Variants in DOCK2 observed in about 807,000 individuals in gnomAD.
The protein encoded by DOCK2 is dedicator of cytokinesis protein 2.
Under a neutral mutation model 248.9 loss-of-function variants are expected in DOCK2, and 87 were observed. The observed-to-expected ratio is 0.35, with a 90% CI of 0.29 to 0.42. The LOEUF is 0.42. Ranked by LOEUF, DOCK2 falls within the 10% of genes least tolerant of loss-of-function variation. The pLI is 1.00. For missense variants in DOCK2, 1,747 were observed against 2,300.2 expected, an observed-to-expected ratio of 0.76 and a Z score of 4.92; for synonymous variants, 805 against 821.6, an observed-to-expected ratio of 0.98 and a Z score of 0.35.
chr5:169,669,375 A>G lies in DOCK2; in HGVS notation c.168+47A>G, dbSNP rs529037021. The G allele has an allele frequency of 2.4e-4, 385 of 1,604,064 alleles. 7 individuals are homozygous for G. In the South Asian group the frequency reaches 4.1e-3, roughly 17 times the overall value. ...TTGTGTCAGTACTGGAGGTCTTCAT[A>G]TGGCCCCGCTATCCCATCTGAGCAG... On this transcript the variant is annotated intron_variant, in intron 3 of 51. Transcript: ENST00000520908.
At chr5:169,770,322 G>T (rs1000915849) in intron 25 of DOCK2, among the ~76,000 whole-genome samples, 7 of 139,288 alleles carry the variant, frequency 5.0e-5, no homozygotes, top group African/African-American at 1.6e-4. Flanking sequence ...TTGAGACAGG[G>T]TCTTGCTTTG....
At chr5:169,711,336 G>A (rs1229853692) in intron 15 of DOCK2, among the ~76,000 whole-genome samples, 1 of 152,222 alleles carries the variant, frequency 6.6e-6, no homozygotes, top group East Asian at 1.9e-4. Flanking sequence ...AGTGGTACCA[G>A]TGGGTCATTC....
At chr5:169,770,004 G>A (rs368623945) in intron 25 of DOCK2, among the ~76,000 whole-genome samples, 2 of 152,132 alleles carry the variant, frequency 1.3e-5, no homozygotes, top group South Asian at 2.1e-4. Flanking sequence ...TGTGGACCTC[G>A]GTAGTAAAAG....
Position 170,004,811 on chromosome 5 carries a change from G to A in DOCK2, c.3073-3686G>A, listed in dbSNP as rs539077149. 1.2e-4 allele frequency among the ~76,000 whole-genome samples: 18 copies of A among 148,290 alleles called. No individual in the cohort carries two copies. In the East Asian group the frequency reaches 3.0e-3, roughly 25 times the overall value. On this transcript the variant is annotated intron_variant, in intron 30 of 51. Coordinates refer to ENST00000520908, the MANE Select transcript of DOCK2 (RefSeq NM_004946.3). Reference sequence around the variant, plus strand: ...AAACCATCATTCTCAGTAAACTATCGCAAGAACAAAAAACCAAACACCGCA... The same window carrying A: ...AAACCATCATTCTCAGTAAACTATCACAAGAACAAAAAACCAAACACCGCA...
chr5:170,043,230 C>T (rs1198008464), intron 38 of DOCK2, among the ~76,000 whole-genome samples: 1 of 152,174 alleles, frequency 6.6e-6, no homozygotes, highest in East Asian at 1.9e-4. Flanking sequence ...CCTACTCTTC[C>T]CTTGACCTAA....
At chr5:170,011,172 A>G (rs558990677) in intron 32 of DOCK2, among the ~76,000 whole-genome samples, 1 of 152,272 alleles carries the variant, frequency 6.6e-6, no homozygotes, top group African/African-American at 2.4e-5. Context: ...GAGGTGGGAG[A>G]CCCAGAGCCC....
chr5:169,930,504 A>G (rs758924011), intron 27 of DOCK2, among the ~76,000 whole-genome samples: 13 of 152,182 alleles, frequency 8.5e-5, no homozygotes, highest in Non-Finnish European at 1.9e-4. Context: ...GTAAATGAGT[A>G]AAAATCTGCC....
intron 25 of DOCK2, among the ~76,000 whole-genome samples, chr5:169,780,331 G>GA (rs1765637732): frequency 8.7e-6 from 1 of 114,476 alleles, no homozygotes; most frequent in Non-Finnish European, 2.2e-5. Context: ...GTGTGTGTGT[G>GA]TGTGTGTGTT....
In DOCK2 at chr5:170,029,254, A is replaced by T. The variant is rs1756038878; in HGVS notation, c.3467+1306A>T. Among the ~76,000 whole-genome samples the T allele has an allele frequency of 2.0e-5, 3 of 152,170 alleles. No homozygotes were observed. In the South Asian group the frequency reaches 6.2e-4, roughly 32 times the overall value. Reference sequence around the variant, plus strand: ...GTTAACACTTGTTAATATCTGTCTTATTGATTACAGCCACCCCAGCGGGTG... The same window carrying T: ...GTTAACACTTGTTAATATCTGTCTTTTTGATTACAGCCACCCCAGCGGGTG... On this transcript the variant is annotated intron_variant, in intron 34 of 51. Coordinates refer to ENST00000520908, the MANE Select transcript of DOCK2 (RefSeq NM_004946.3).
At chr5:170,062,114 T>TGTGTGG (rs1055797886) in intron 44 of DOCK2, among the ~76,000 whole-genome samples, 38 of 150,844 alleles carry the variant, frequency 2.5e-4, no homozygotes, top group African/African-American at 8.4e-4. Context: ...TGTGTGTGTG[T>TGTGTGG]GTGTGTGTGT....
At chr5:169,917,536 T>C (rs768760734) in intron 27 of DOCK2, among the ~76,000 whole-genome samples, 8 of 152,220 alleles carry the variant, frequency 5.3e-5, no homozygotes, top group African/African-American at 9.7e-5. Context: ...GACCTTTGAC[T>C]TCCCATCAAG....
intron 39 of DOCK2, 32 bp from the exon 40 acceptor site, chr5:170,047,478 G>A: frequency 6.2e-7 from 1 of 1,603,382 alleles, no homozygotes; most frequent in Non-Finnish European, 8.5e-7. Context: ...ATACACATCT[G>A]TGTTGCAACA....
At chr5:170,031,612 T>C (rs189463438) in intron 34 of DOCK2, among the ~76,000 whole-genome samples, 1 of 152,226 alleles carries the variant, frequency 6.6e-6, no homozygotes, top group African/African-American at 2.4e-5. Context: ...AGTATCATTA[T>C]ATATTATGGT....
intron 26 of DOCK2, among the ~76,000 whole-genome samples, chr5:169,823,516 A>G (rs1156290382): frequency 1.3e-5 from 2 of 152,208 alleles, no homozygotes; most frequent in African/African-American, 4.8e-5. Context: ...CCAAAGACAA[A>G]AACCACATGA....
At chr5:170,013,327 T>C (rs11747883) in intron 32 of DOCK2, among the ~76,000 whole-genome samples, 12,546 of 152,210 alleles carry the variant, frequency 0.082, 632 homozygotes, top group Middle Eastern at 0.16. Flanking sequence ...AAGATGTCCA[T>C]GTCCTAATCC....
At chr5:169,881,445 G>A (rs1324168138) in intron 27 of DOCK2, 5 of 1,551,154 alleles carry the variant, frequency 3.2e-6, no homozygotes, top group Non-Finnish European at 4.4e-6. Flanking sequence ...AGTTGCGCCT[G>A]CAAGACAGAG....
intron 1 of DOCK2, among the ~76,000 whole-genome samples, chr5:169,648,703 A>G (rs1255079773): frequency 1.3e-5 from 2 of 152,218 alleles, no homozygotes; most frequent in Non-Finnish European, 1.5e-5. Flanking sequence ...TGTAAAACAG[A>G]GACGATAATA....
chr5:170,077,759 C>T lies in DOCK2; in HGVS notation c.4916C>T (p.Ser1639Leu). ...RVGRPRSMLR[S>L]YRQMSIISLA... ...GGCCGTCCCAGGTCTATGCTGCGCT[C>T]ATACAGACAGATGTCCATCATCTCT... is the stretch of plus-strand genomic sequence containing the variant. Residue 1639 changes from serine (S) to leucine (L), a missense_variant, in exon 48 of 52, where the codon TCA becomes TTA. Physicochemically the swap from Ser to Leu is moderately radical, Grantham distance 145. Coordinates refer to ENST00000520908, the MANE Select transcript of DOCK2 (RefSeq NM_004946.3). 1.2e-6 allele frequency: 2 copies of T among 1,613,972 alleles called. No individual in the cohort carries two copies. The highest frequency in any genetic ancestry group is 1.7e-6 in the Non-Finnish European group (2 of 1,179,984).
At chr5:170,052,050 C>T (rs1756936187) in intron 41 of DOCK2, among the ~76,000 whole-genome samples, 1 of 152,158 alleles carries the variant, frequency 6.6e-6, no homozygotes, top group South Asian at 2.1e-4. Flanking sequence ...AGCCAGGGAG[C>T]ACATTAACTC....
Sources: gnomAD v4.1 joint callset for allele counts (sites outside exome capture counted in the v4.1 genomes callset) on GRCh38, gnomAD v4.1.1 for gene constraint, MANE v1.5 for transcripts, NCBI Gene and HGNC (gene_info 2026-07-23, HGNC 2026-07-21) for gene names.